The following CFAP90 variants were observed in gnomAD, a reference collection of about 807,000 sequenced individuals.
CFAP90 encodes cilia and flagella associated protein 90.
the CFAP90 span, among the ~76,000 whole-genome samples, chr5:7,845,546 T>C: frequency 6.6e-6 from 1 of 152,216 alleles, no homozygotes; most frequent in Non-Finnish European, 1.5e-5. Context: ...CCAGTTATAA[T>C]TGCTTTAAAT....
At chr5:7,830,631 C>A in the CFAP90 span, 2 of 152,144 alleles carry the variant, frequency 1.3e-5, no homozygotes, top group Admixed American at 1.3e-4. Flanking sequence ...AGGAGTCACT[C>A]AGCCTTGAAA....
At chr5:7,849,741 A>G in the CFAP90 span, among the ~76,000 whole-genome samples, 3 of 152,176 alleles carry the variant, frequency 2.0e-5, no homozygotes, top group African/African-American at 7.2e-5. Context: ...CCAGGACAGA[A>G]CAGAGGGACC....
At chr5:7,833,608 T>A in the CFAP90 span, among the ~76,000 whole-genome samples, 1 of 151,980 alleles carries the variant, frequency 6.6e-6, no homozygotes, top group Non-Finnish European at 1.5e-5. Flanking sequence ...AATATACATA[T>A]CTGTACATAC....
At chr5:7,850,866 G>C in the CFAP90 span, 43 of 1,308,920 alleles carry the variant, frequency 3.3e-5, no homozygotes, top group Non-Finnish European at 4.1e-5. Flanking sequence ...CCCAGTCCGC[G>C]GTCCTCACCC....
the CFAP90 span, among the ~76,000 whole-genome samples, chr5:7,842,799 A>G: frequency 6.6e-6 from 1 of 152,170 alleles, no homozygotes; most frequent in African/African-American, 2.4e-5. Context: ...AGAGAAAAAA[A>G]TCTGATTTGT....
the CFAP90 span, among the ~76,000 whole-genome samples, chr5:7,837,363 C>T: frequency 1.7e-4 from 26 of 152,174 alleles, no homozygotes; most frequent in Non-Finnish European, 3.1e-4. Context: ...TCCAGCAGCA[C>T]ACTCAGACAT....
At chr5:7,843,711 C>T in the CFAP90 span, among the ~76,000 whole-genome samples, 3 of 152,118 alleles carry the variant, frequency 2.0e-5, no homozygotes, top group Non-Finnish European at 2.9e-5. Flanking sequence ...GGCTGAAACT[C>T]GAATTCAATC....
chr5:7,831,848 C>T, the CFAP90 span: 1 of 1,610,566 alleles, frequency 6.2e-7, no homozygotes, highest in Non-Finnish European at 8.5e-7. Flanking sequence ...CACGGGGATG[C>T]TTCAGGATGG....
At chr5:7,848,751 G>A in the CFAP90 span, among the ~76,000 whole-genome samples, 34 of 152,242 alleles carry the variant, frequency 2.2e-4, no homozygotes, top group African/African-American at 6.3e-4. Flanking sequence ...TCCTGTTCTC[G>A]TGATAGTGAG....
the CFAP90 span, chr5:7,830,773 TTTAA>T: frequency 3.3e-5 from 5 of 152,206 alleles, no homozygotes; most frequent in African/African-American, 9.6e-5. Context: ...CTGTGGGAAA[TTTAA>T]TCATGGTAGA....
chr5:7,840,310 G>T, the CFAP90 span, among the ~76,000 whole-genome samples: 2 of 151,916 alleles, frequency 1.3e-5, no homozygotes, highest in Non-Finnish European at 2.9e-5. Context: ...GTCCACAGGC[G>T]GCCTGGGCAG....
At chr5:7,838,195 T>C in the CFAP90 span, among the ~76,000 whole-genome samples, 1 of 152,066 alleles carries the variant, frequency 6.6e-6, no homozygotes, top group Non-Finnish European at 1.5e-5. Flanking sequence ...TTCTGGATGA[T>C]GAGAAAAATA....
the CFAP90 span, chr5:7,831,801 T>C: frequency 2.6e-6 from 4 of 1,558,944 alleles, no homozygotes; most frequent in Non-Finnish European, 3.5e-6. Context: ...CTGTGCAAAC[T>C]TGCCAGGCCA....
At chr5:7,851,082 G>T in the CFAP90 span, 1 of 1,234,306 alleles carries the variant, frequency 8.1e-7, no homozygotes, top group Non-Finnish European at 1.0e-6. Flanking sequence ...CAGGGGCCCA[G>T]TCGGAGTCTG....
chr5:7,851,123 A>T, the CFAP90 span: 30 of 1,209,194 alleles, frequency 2.5e-5, no homozygotes, highest in Non-Finnish European at 3.0e-5. Flanking sequence ...GCCAGCGTCT[A>T]GCCCGCGTCT....
the CFAP90 span, among the ~76,000 whole-genome samples, chr5:7,833,409 T>C: frequency 0.66 from 101,001 of 152,036 alleles, 34,593 homozygotes; most frequent in African/African-American, 0.83. Flanking sequence ...TACATATGCA[T>C]ATATGCATGC....
chr5:7,832,561 G>C, the CFAP90 span, among the ~76,000 whole-genome samples: 1 of 151,976 alleles, frequency 6.6e-6, no homozygotes, highest in East Asian at 1.9e-4. Context: ...GGAGTGCAAT[G>C]GTTGCAACCT....
chr5:7,848,289 C>T, the CFAP90 span, among the ~76,000 whole-genome samples: 1 of 152,084 alleles, frequency 6.6e-6, no homozygotes. Context: ...GGAGAACAGG[C>T]AAACAGGGCT....
chr5:7,833,688 CAT>C, the CFAP90 span, among the ~76,000 whole-genome samples: 4 of 152,142 alleles, frequency 2.6e-5, no homozygotes, highest in African/African-American at 4.8e-5. Context: ...CACATATACA[CAT>C]ACAGTCATGT....
Sources: gnomAD v4.1 joint callset for allele counts (sites outside exome capture counted in the v4.1 genomes callset) on GRCh38, gnomAD v4.1.1 for gene constraint, MANE v1.5 for transcripts, NCBI Gene and HGNC (gene_info 2026-07-23, HGNC 2026-07-21) for gene names.